The following ANKRD44 variants were observed in gnomAD, a reference collection of about 807,000 sequenced individuals.
ANKRD44 encodes serine/threonine-protein phosphatase 6 regulatory ankyrin repeat subunit B.
Under a neutral mutation model 116.0 loss-of-function variants are expected in ANKRD44, and 35 were observed. The ratio of observed to expected loss-of-function variants is 0.30; its 90% confidence interval spans 0.23 to 0.40. ANKRD44 has a LOEUF of 0.40. Among genes scored for constraint, ANKRD44 ranks in the 10% least tolerant of loss-of-function variants. The probability of loss-of-function intolerance (pLI) is 1.00; values close to 1 mark genes in which losing one functional copy is unlikely to be tolerated. For missense variants in ANKRD44, 1,014 were observed against 1,242.6 expected (o/e 0.82, Z 2.77); for synonymous variants, 435 against 461.8 (o/e 0.94, Z 0.74).
intron 1 of ANKRD44, among the ~76,000 whole-genome samples, chr2:197,249,023 A>G (rs2082259171): frequency 6.6e-6 from 1 of 152,164 alleles, no homozygotes; most frequent in African/African-American, 2.4e-5. Flanking sequence ...CTGTAATCCC[A>G]CACTTTGAAG....
chr2:197,161,988 C>T (rs1443834341), intron 2 of ANKRD44, among the ~76,000 whole-genome samples: 2 of 152,160 alleles, frequency 1.3e-5, no homozygotes, highest in South Asian at 2.1e-4. Flanking sequence ...GCTACGGTCT[C>T]GTGACTTGGA....
intron 10 of ANKRD44, among the ~76,000 whole-genome samples, chr2:197,090,403 T>C (rs1174694944): frequency 1.3e-5 from 2 of 152,124 alleles, no homozygotes; most frequent in Admixed American, 6.5e-5. Flanking sequence ...CTAAGCATCA[T>C]AGACTATGCT....
chr2:196,979,626 C>T (rs2075786797), intron 21 of ANKRD44, among the ~76,000 whole-genome samples: 1 of 130,722 alleles, frequency 7.6e-6, no homozygotes, highest in Non-Finnish European at 1.6e-5. Flanking sequence ...TGCAGTGATG[C>T]AATCTCGGCT....
intron 4 of ANKRD44, 59 bp downstream of exon 4, chr2:197,136,533 C>G: frequency 2.6e-6 from 4 of 1,512,914 alleles, no homozygotes; most frequent in Non-Finnish European, 3.7e-6. Context: ...AATTCGCTAG[C>G]AAGACTTTTT....
chr2:196,989,107 C>G lies in ANKRD44; in HGVS notation c.*484G>C, dbSNP rs2290094. On this transcript the variant is annotated 3_prime_UTR_variant, in exon 28 of 28. Transcript: ENST00000282272. Reference sequence around the variant, plus strand: ...CTAGGTTTGGCCCTTGGGCTTTTGGCTAGCCCAGGGTCAAGTGTTTTTTTT... The same window carrying G: ...CTAGGTTTGGCCCTTGGGCTTTTGGGTAGCCCAGGGTCAAGTGTTTTTTTT... 890 of 985,078 alleles carry G rather than the reference C, an allele frequency of 9.0e-4. 7 individuals are homozygous for G. In the East Asian group the frequency reaches 0.036, roughly 40 times the overall value. 61.0% of individuals were successfully genotyped at this position (985,078 alleles called of 1,614,324 possible).
At chr2:197,254,407 A>C (rs1243545239) in intron 1 of ANKRD44, among the ~76,000 whole-genome samples, 3 of 151,976 alleles carry the variant, frequency 2.0e-5, no homozygotes, top group Admixed American at 6.6e-5. Flanking sequence ...AACAAAAAAA[A>C]CTTCCAACTC....
chr2:197,021,162 G>T (rs1231372651), intron 17 of ANKRD44, among the ~76,000 whole-genome samples: 1 of 152,194 alleles, frequency 6.6e-6, no homozygotes, highest in Admixed American at 6.5e-5. Context: ...AGTCCACGGT[G>T]TATATGTGCC....
intron 13 of ANKRD44, among the ~76,000 whole-genome samples, chr2:197,084,283 G>C (rs561919834): frequency 4.9e-4 from 75 of 152,204 alleles, no homozygotes; most frequent in African/African-American, 1.8e-3. Context: ...CTTTGTCCAG[G>C]TTGGTTTAGC....
At chr2:197,278,201 G>C (rs2083148872) in intron 1 of ANKRD44, among the ~76,000 whole-genome samples, 1 of 152,050 alleles carries the variant, frequency 6.6e-6, no homozygotes, top group Non-Finnish European at 1.5e-5. Flanking sequence ...AGGGGTTAAG[G>C]GGTGTTTAAC....
chr2:197,065,971 G>A (rs2125073752), intron 16 of ANKRD44, among the ~76,000 whole-genome samples: 1 of 152,222 alleles, frequency 6.6e-6, no homozygotes, highest in Non-Finnish European at 1.5e-5. Flanking sequence ...CCAAAGCCTG[G>A]CAGAGACACA....
At chr2:197,246,458 C>G (rs1168235808) in intron 1 of ANKRD44, among the ~76,000 whole-genome samples, 2 of 149,972 alleles carry the variant, frequency 1.3e-5, no homozygotes, top group East Asian at 3.9e-4. Context: ...CCTCCCAAAG[C>G]ACTGGGATTA....
chr2:196,973,046 C>G lies in ANKRD44; in HGVS notation c.2369-5600G>C, dbSNP rs548704052. Among the ~76,000 whole-genome samples the G allele has an allele frequency of 2.6e-5, 4 of 152,220 alleles. No individual in the cohort carries two copies. In the South Asian group the frequency reaches 8.3e-4, roughly 32 times the overall value. The stretch of plus-strand genomic sequence containing the variant: ...TTAGATTTGATGAAATAAAGTATTA[C>G]CCCCATTGGAGCAATTCCTATACCC... On this transcript the variant is annotated intron_variant, in intron 21 of 21. Coordinates refer to the ANKRD44 transcript ENST00000424317.
chr2:197,057,481 T>A (rs1455805492), intron 16 of ANKRD44, among the ~76,000 whole-genome samples: 1 of 152,150 alleles, frequency 6.6e-6, no homozygotes, highest in Non-Finnish European at 1.5e-5. Flanking sequence ...GTTTTTGAAT[T>A]TTTTTTTAAA....
intron 3 of ANKRD44, among the ~76,000 whole-genome samples, chr2:197,138,951 G>A (rs1199844014): frequency 6.6e-6 from 1 of 152,200 alleles, no homozygotes; most frequent in Non-Finnish European, 1.5e-5. Context: ...AAATTCGTCA[G>A]GGAGAAGCAA....
chr2:196,995,121 C>T, intron 26 of ANKRD44: 1 of 251,838 alleles, frequency 4.0e-6, no homozygotes, highest in Non-Finnish European at 7.5e-6. Context: ...AATATTACCC[C>T]AGAAATATCA....
At chr2:197,242,290 G>GTATTTTATAATATAATGC (rs1367580568) in intron 1 of ANKRD44, among the ~76,000 whole-genome samples, 8 of 152,036 alleles carry the variant, frequency 5.3e-5, no homozygotes, top group Non-Finnish European at 7.4e-5. Flanking sequence ...TAATATAATG[G>GTATTTTATAATATAATGC]TATTTTATAA....
rs766239755 is a variant in ANKRD44 at position 197,000,455 on chromosome 2, T to C, written c.2483A>G (p.Asp828Gly). ...ATCTCTACAACTGACGATACTGGAA[T>C]CTATGGCCCCAAGCAGCAATGATGC... ...NCASLLLGAI[D>G]SSIVSCRDDK... Residue 828 changes from aspartate (D) to glycine (G), a missense_variant, in exon 23 of 28, where the codon GAT becomes GGT. Transcript: ENST00000282272. 1 of 1,614,124 alleles carries C rather than the reference T, an allele frequency of 6.2e-7. No homozygotes were observed.
At chr2:197,158,191 TACC>T (rs1329087402) in intron 2 of ANKRD44, among the ~76,000 whole-genome samples, 2 of 152,122 alleles carry the variant, frequency 1.3e-5, no homozygotes, top group African/African-American at 4.8e-5. Flanking sequence ...GTCTTCGGAG[TACC>T]ACCTTCCCCG....
intron 1 of ANKRD44, among the ~76,000 whole-genome samples, chr2:197,233,374 G>T (rs867810884): frequency 6.6e-6 from 1 of 151,968 alleles, no homozygotes; most frequent in Admixed American, 6.6e-5. Context: ...TCTCTAACCC[G>T]GGTAGACCTG....
Sources: gnomAD v4.1 joint callset for allele counts (sites outside exome capture counted in the v4.1 genomes callset) on GRCh38, gnomAD v4.1.1 for gene constraint, MANE v1.5 for transcripts, NCBI Gene and HGNC (gene_info 2026-07-23, HGNC 2026-07-21) for gene names.